Variants in SVBP observed in about 807,000 individuals in gnomAD.
The protein encoded by SVBP is small vasohibin binding protein.
A neutral mutation model predicts 9.2 loss-of-function variants in SVBP; 9 were observed. That is an observed-to-expected ratio of 0.98 (90% CI 0.59 to 1.71). SVBP has a LOEUF of 1.71. SVBP is among the 40% of genes most tolerant of loss of function. The probability of loss-of-function intolerance (pLI) is 0.00; values close to 1 mark genes in which losing one functional copy is unlikely to be tolerated. For missense variants in SVBP, 63 were observed against 73.2 expected (o/e 0.86, Z 0.51); for synonymous variants, 27 against 23.9 (o/e 1.13, Z -0.37).
At chr1:42,814,432 G>A (rs1654152565) in intron 2 of SVBP, among the ~76,000 whole-genome samples, 1 of 151,862 alleles carries the variant, frequency 6.6e-6, no homozygotes, top group Non-Finnish European at 1.5e-5. Flanking sequence ...TATCGGCCGG[G>A]TGCAGTGGCT....
chr1:42,808,928 C>T (rs888648021), intron 2 of SVBP: 44 of 152,340 alleles, frequency 2.9e-4, no homozygotes, highest in African/African-American at 1.0e-3. Context: ...AACTCCTGGC[C>T]TCATGTGATC....
At chr1:42,816,196 C>A in intron 2 of SVBP, 1 of 462,350 alleles carries the variant, frequency 2.2e-6, no homozygotes, top group Non-Finnish European at 3.8e-6. Context: ...TCCCTTGGGT[C>A]TCTTACCACA....
chr1:42,816,440 T>C lies in SVBP; in HGVS notation c.105A>G (p.Gln35=), dbSNP rs1654210635. The change falls in exon 2 of 3, where the codon CAA becomes CAG. Residue 35 remains glutamine, a synonymous_variant. Coordinates refer to ENST00000372521, the MANE Select transcript of SVBP (RefSeq NM_199342.4). ...KSAQQELKQR[Q]RAEIYALNRV... is the part of the protein sequence containing the mutation. ...TCCGCCTTAATCTCACCTCTGCTCT[T>C]TGTCTCTGCTTCAGCTCCTGCTGGG... 1 of 1,611,588 alleles carries C rather than the reference T, an allele frequency of 6.2e-7. No individual in the cohort carries two copies. Among genetic ancestry groups the C allele is most frequent in the South Asian group, 1.1e-5 (1 of 91,010 alleles).
chr1:42,817,091 C>G, intron 1 of SVBP, 99 bp downstream of exon 1: 1 of 870,094 alleles, frequency 1.1e-6, no homozygotes, highest in Non-Finnish European at 1.4e-6. Context: ...CCGGCCCGCC[C>G]GGCCCCAGGG....
At position 42,807,317 on chromosome 1, in the gene SVBP, G is replaced by A. The variant is rs61775643; in HGVS notation, c.*97C>T. On this transcript the variant is annotated 3_prime_UTR_variant, in exon 3 of 3. Transcript: ENST00000372521. ...CAGATTTATCCACAAATGTCTTCTGGTCTAGTTCTGTAAGGCTCCAAATGG... is the reference window on the plus strand; with the variant it reads ...CAGATTTATCCACAAATGTCTTCTGATCTAGTTCTGTAAGGCTCCAAATGG... 6.2e-6 allele frequency: 5 copies of A among 811,170 alleles called. No homozygotes were observed. The East Asian group carries it at 1.2e-4, about 20-fold the overall frequency. 50.2% of individuals were successfully genotyped at this position (811,170 alleles called of 1,614,324 possible). A position where few individuals can be genotyped will look rare whatever the true frequency, so the allele number is the denominator to read the frequency against.
intron 1 of SVBP, 105 bp downstream of exon 1, chr1:42,817,085 C>A (rs1307105240): frequency 5.6e-6 from 4 of 708,036 alleles, no homozygotes; most frequent in Non-Finnish European, 7.1e-6. Flanking sequence ...CCCGCCCCGG[C>A]CCGCCCGGCC....
chr1:42,814,540 C>A (rs1231449078), intron 2 of SVBP, among the ~76,000 whole-genome samples: 1 of 151,710 alleles, frequency 6.6e-6, no homozygotes, highest in Non-Finnish European at 1.5e-5. Flanking sequence ...TGCTTGCACC[C>A]GGGAGGCAGA....
chr1:42,809,645 A>C (rs1308800693), intron 2 of SVBP, among the ~76,000 whole-genome samples: 1 of 152,264 alleles, frequency 6.6e-6, no homozygotes. Flanking sequence ...GAAAGCTTGA[A>C]TATTCCTGTC....
Position 42,816,430 on chromosome 1 carries a change from C to T in SVBP, c.114+1G>A. On this transcript the variant is annotated splice_donor_variant, in intron 2 of 2. Coordinates refer to ENST00000372521, the MANE Select transcript of SVBP (RefSeq NM_199342.4). LOFTEE classifies it high-confidence loss of function. Reference sequence around the variant, plus strand: ...ATACAGAGCCTCCGCCTTAATCTCACCTCTGCTCTTTGTCTCTGCTTCAGC... The same window carrying T: ...ATACAGAGCCTCCGCCTTAATCTCATCTCTGCTCTTTGTCTCTGCTTCAGC... The T allele has an allele frequency of 6.2e-7, 1 of 1,604,868 alleles. No homozygotes were observed.
intron 2 of SVBP, among the ~76,000 whole-genome samples, chr1:42,808,275 TAATA>T (rs1472304126): frequency 5.5e-5 from 8 of 144,636 alleles, no homozygotes; most frequent in South Asian, 4.3e-4. Context: ...TTATATATAC[TAATA>T]TATATACACT....
intron 2 of SVBP, chr1:42,813,782 C>T (rs151005717): frequency 5.9e-6 from 3 of 506,780 alleles, no homozygotes; most frequent in African/African-American, 3.9e-5. Flanking sequence ...TCTCCTGCTT[C>T]AGGGCTGTTT....
At chr1:42,817,109 C>T (rs1654239983) in intron 1 of SVBP, 81 bp downstream of exon 1, 3 of 1,090,798 alleles carry the variant, frequency 2.8e-6, no homozygotes, top group Middle Eastern at 3.0e-4. Flanking sequence ...GGGGACGGCC[C>T]CCGCCTCCTG....
intron 1 of SVBP, 153 bp from the exon 2 acceptor site, chr1:42,816,733 ACCGAGTC>A: frequency 1.8e-6 from 1 of 542,278 alleles, no homozygotes; most frequent in Non-Finnish European, 3.3e-6. Context: ...GGGAGTAGGA[ACCGAGTC>A]CCAAGGCCAC....
chr1:42,807,153 G>GTTGT lies in SVBP; in HGVS notation c.*260_*261insACAA, dbSNP rs1653975330. On this transcript the variant is annotated 3_prime_UTR_variant, in exon 3 of 3. Transcript: ENST00000372521. ...AATAGAAAAAGTGTTTTTTGTGTGT[G>GTTGT]TTTTTTTTTTTTTTTTAAAAAAACC... 5.6e-6 allele frequency: 1 copy of GTTGT among 177,824 alleles called. No individual in the cohort carries two copies. Among genetic ancestry groups the GTTGT allele is most frequent in the Non-Finnish European group, 1.1e-5 (1 of 91,452 alleles). The allele number at this position is 177,824 out of a possible 1,614,324, so 11.0% of individuals were successfully genotyped here.
Position 42,817,370 on chromosome 1 carries a change from G to C in SVBP, c.-217C>G. On this transcript the variant is annotated 5_prime_UTR_variant, in exon 1 of 3. Transcript: ENST00000372521. ...CAGGGCCGAGCGCCAGGAGGCTTCC[G>C]CCCGCAGGAGCGGCCGCGCGTGCGC... 1.7e-6 allele frequency: 1 copy of C among 600,688 alleles called. No homozygotes were observed. The highest frequency in any genetic ancestry group is 3.4e-5 in the South Asian group (1 of 29,248). 37.2% of individuals were successfully genotyped at this position (600,688 alleles called of 1,614,324 possible). A position where few individuals can be genotyped will look rare whatever the true frequency, so the allele number is the denominator to read the frequency against.
At chr1:42,813,480 A>G in intron 2 of SVBP, 1 of 555,782 alleles carries the variant, frequency 1.8e-6, no homozygotes, top group East Asian at 5.2e-5. Flanking sequence ...TCTTACTGTT[A>G]GTGACATCTA....
intron 2 of SVBP, among the ~76,000 whole-genome samples, chr1:42,808,840 G>A (rs1654022070): frequency 6.6e-6 from 1 of 151,986 alleles, no homozygotes; most frequent in African/African-American, 2.4e-5. Context: ...GAGATTACAG[G>A]TGCCCGCCAC....
chr1:42,807,561 G>A, intron 2 of SVBP, 61 bp from the exon 3 acceptor site: 1 of 1,266,964 alleles, frequency 7.9e-7, no homozygotes, highest in South Asian at 1.2e-5. Context: ...AGCATCTTCT[G>A]ACATAACAGG....
At chr1:42,815,943 C>T (rs1654193421) in intron 2 of SVBP, among the ~76,000 whole-genome samples, 3 of 152,182 alleles carry the variant, frequency 2.0e-5, no homozygotes. Context: ...ATACTTATGT[C>T]TGTATGTGGC....
Sources: allele counts gnomAD v4.1 joint callset (sites outside exome capture counted in the v4.1 genomes callset), GRCh38; gene constraint gnomAD v4.1.1; transcripts MANE v1.5; gene names NCBI Gene and HGNC (gene_info 2026-07-23, HGNC 2026-07-21).